The following EYS variants were observed in gnomAD, a reference collection of about 807,000 sequenced individuals.
The protein encoded by EYS is protein eyes shut homolog.
Under a neutral mutation model 282.1 loss-of-function variants are expected in EYS, and 250 were observed. That is an observed-to-expected ratio of 0.89 (90% confidence interval 0.80 to 0.98). EYS has a LOEUF of 0.98. Among genes scored for constraint, EYS ranks in the 50% least tolerant of loss-of-function variants. The pLI is 0.00. For synonymous variants in EYS, 1,355 were observed against 1,282.9 expected, an observed-to-expected ratio of 1.06 and a Z score of -1.20; for missense variants, 4,016 against 3,709.0, an observed-to-expected ratio of 1.08 and a Z score of -2.15.
At chr6:65,450,722 A>G (rs1285852055) in intron 5 of EYS, among the ~76,000 whole-genome samples, 1 of 152,108 alleles carries the variant, frequency 6.6e-6, no homozygotes, top group Non-Finnish European at 1.5e-5. Context: ...CTTTCCTGCC[A>G]CTTACACTCC....
chr6:65,570,876 AT>A (rs945269715), intron 2 of EYS, among the ~76,000 whole-genome samples: 4 of 152,044 alleles, frequency 2.6e-5, no homozygotes, highest in Non-Finnish European at 5.9e-5. Flanking sequence ...GTAACTGAAG[AT>A]TTTTTTCAAT....
At chr6:64,405,770 A>C (rs1236367899) in intron 28 of EYS, among the ~76,000 whole-genome samples, 2 of 152,202 alleles carry the variant, frequency 1.3e-5, no homozygotes, top group Non-Finnish European at 2.9e-5. Context: ...CAAACTTACA[A>C]GGATGGGAAG....
At chr6:65,642,708 G>T (rs6908347) in intron 1 of EYS, among the ~76,000 whole-genome samples, 88,058 of 151,968 alleles carry the variant, frequency 0.58, 26,927 homozygotes, top group East Asian at 0.78. Flanking sequence ...AGTTTTCCCT[G>T]TGATTTCAGT....
Position 65,559,851 on chromosome 6 carries a change from C to T in EYS, c.-332-63858G>A, listed in dbSNP as rs574166487. On this transcript the variant is annotated intron_variant, in intron 2 of 42. Coordinates refer to ENST00000503581, the MANE Select transcript of EYS (RefSeq NM_001142800.2). ...AGCTAATTTTTGATGTATATTTTAG[C>T]TTGTACCTTTCAAGCAGCATTAATT... 4.0e-5 allele frequency among the ~76,000 whole-genome samples: 6 copies of T among 151,744 alleles called. No individual in the cohort carries two copies. In the East Asian group the frequency reaches 9.7e-4, roughly 25 times the overall value.
At chr6:64,513,362 T>C (rs1562035047) in intron 26 of EYS, among the ~76,000 whole-genome samples, 1 of 151,998 alleles carries the variant, frequency 6.6e-6, no homozygotes, top group Non-Finnish European at 1.5e-5. Flanking sequence ...TTGGACAGTT[T>C]ACTTTTATAC....
intron 29 of EYS, among the ~76,000 whole-genome samples, chr6:64,346,174 C>A (rs552040871): frequency 6.6e-6 from 1 of 152,140 alleles, no homozygotes; most frequent in East Asian, 1.9e-4. Flanking sequence ...ACTAGAAACA[C>A]CATTTGACCC....
intron 2 of EYS, among the ~76,000 whole-genome samples, chr6:65,498,458 T>C (rs966626149): frequency 6.6e-6 from 1 of 151,972 alleles, no homozygotes; most frequent in African/African-American, 2.4e-5. Flanking sequence ...AAATTACATT[T>C]GCATTGAAGC....
chr6:64,189,304 G>A (rs1339385913), intron 31 of EYS, among the ~76,000 whole-genome samples: 2 of 152,168 alleles, frequency 1.3e-5, no homozygotes, highest in Non-Finnish European at 2.9e-5. Context: ...CCACCATCTG[G>A]TTTTGCATGC....
At chr6:64,705,079 G>A (rs6915812) in intron 22 of EYS, among the ~76,000 whole-genome samples, 4 of 151,902 alleles carry the variant, frequency 2.6e-5, no homozygotes, top group Non-Finnish European at 5.9e-5. Context: ...CTAGAATACC[G>A]TAAGGATGCC....
intron 26 of EYS, among the ~76,000 whole-genome samples, chr6:64,473,773 G>C (rs1776190339): frequency 6.6e-6 from 1 of 152,124 alleles, no homozygotes; most frequent in African/African-American, 2.4e-5. Flanking sequence ...TCACCAGCCA[G>C]AATGGGTCTC....
At chr6:64,958,591 C>T (rs1292900855) in intron 14 of EYS, among the ~76,000 whole-genome samples, 27 of 151,008 alleles carry the variant, frequency 1.8e-4, no homozygotes, top group African/African-American at 6.1e-4. Context: ...AAAAATTAGC[C>T]GGGCGCAGTG....
At chr6:65,519,125 C>T (rs1767250532) in intron 2 of EYS, among the ~76,000 whole-genome samples, 2 of 152,108 alleles carry the variant, frequency 1.3e-5, no homozygotes, top group Non-Finnish European at 2.9e-5. Flanking sequence ...AGTTGTTTTA[C>T]AATTTGGTAA....
chr6:65,675,629 G>C (rs1768559241), intron 1 of EYS, among the ~76,000 whole-genome samples: 1 of 151,842 alleles, frequency 6.6e-6, no homozygotes, highest in African/African-American at 2.4e-5. Context: ...ACTGGAGTGA[G>C]ATAGAGAGTA....
intron 36 of EYS, among the ~76,000 whole-genome samples, chr6:63,831,393 CA>C (rs541200763): frequency 1.3e-5 from 2 of 151,204 alleles, no homozygotes; most frequent in African/African-American, 4.9e-5. Context: ...AAATGGAAAA[CA>C]AAAAAAAGCA....
At chr6:65,205,103 A>G (rs1766003096) in intron 12 of EYS, among the ~76,000 whole-genome samples, 1 of 146,940 alleles carries the variant, frequency 6.8e-6, no homozygotes, top group Non-Finnish European at 1.5e-5. Flanking sequence ...TATATATTCT[A>G]GAAGAATATA....
chr6:65,522,157 A>T (rs1396580878), intron 2 of EYS, among the ~76,000 whole-genome samples: 1 of 152,210 alleles, frequency 6.6e-6, no homozygotes, highest in African/African-American at 2.4e-5. Context: ...TGTAAGCTTT[A>T]GATTTCATTC....
At chr6:64,343,878 A>G (rs1430258921) in intron 29 of EYS, among the ~76,000 whole-genome samples, 1 of 152,144 alleles carries the variant, frequency 6.6e-6, no homozygotes, top group African/African-American at 2.4e-5. Context: ...AGGGGATATC[A>G]CCACTGATCC....
chr6:63,850,716 A>G (rs1772224596), intron 36 of EYS, among the ~76,000 whole-genome samples: 1 of 152,372 alleles, frequency 6.6e-6, no homozygotes, highest in East Asian at 1.9e-4. Context: ...AGCCACTGCA[A>G]GAACATACGA....
intron 5 of EYS, among the ~76,000 whole-genome samples, chr6:65,446,016 A>G (rs1222979241): frequency 6.6e-6 from 1 of 151,782 alleles, no homozygotes; most frequent in Non-Finnish European, 1.5e-5. Flanking sequence ...TTCATAGTAT[A>G]AATAACATGG....
Sources: allele counts gnomAD v4.1 joint callset (sites outside exome capture counted in the v4.1 genomes callset), GRCh38; gene constraint gnomAD v4.1.1; transcripts MANE v1.5; gene names NCBI Gene and HGNC (gene_info 2026-07-23, HGNC 2026-07-21).